Variants in ZNF568 observed in about 807,000 individuals in gnomAD.
The protein encoded by ZNF568 is p53 inhibitor of SCO2 activation.
A neutral mutation model predicts 18.1 loss-of-function variants in ZNF568; 11 were observed. That is an observed-to-expected ratio of 0.61 (90% confidence interval 0.38 to 1.00). The LOEUF is 1.00. Among genes scored for constraint, ZNF568 ranks in the 50% least tolerant of loss-of-function variants. The pLI, the probability that ZNF568 is intolerant of heterozygous loss-of-function variation, is 0.01. For synonymous variants in ZNF568, 213 were observed against 246.6 expected (o/e 0.86, Z 1.28); for missense variants, 639 against 768.2 (o/e 0.83, Z 1.99).
At chr19:36,964,853 G>A (rs555718796) in intron 6 of ZNF568, among the ~76,000 whole-genome samples, 1 of 152,136 alleles carries the variant, frequency 6.6e-6, no homozygotes, top group Non-Finnish European at 1.5e-5. Context: ...GTCGATACAA[G>A]AGGTGGTGGA....
chr19:36,991,853 G>A (rs1397681961), intron 4 of ZNF568: 1 of 1,561,676 alleles, frequency 6.4e-7, no homozygotes, highest in Non-Finnish European at 8.6e-7. Context: ...CCAGGTGAGT[G>A]ACGATGAACT....
At chr19:36,936,569 A>C (rs1439986563) in intron 4 of ZNF568, 177 bp from the exon 5 acceptor site, 3 of 496,138 alleles carry the variant, frequency 6.0e-6, no homozygotes, top group African/African-American at 5.8e-5. Flanking sequence ...GTTTTTTGTC[A>C]GATTTGGGAA....
At chr19:36,970,597 A>G (rs1365954638) in intron 6 of ZNF568, among the ~76,000 whole-genome samples, 1 of 152,020 alleles carries the variant, frequency 6.6e-6, no homozygotes, top group Admixed American at 6.6e-5. Flanking sequence ...TCAGCCTCCC[A>G]AACTGCTGAG....
chr19:36,989,969 T>G (rs955392616), intron 2 of ZNF568, among the ~76,000 whole-genome samples: 9 of 152,026 alleles, frequency 5.9e-5, no homozygotes, highest in Non-Finnish European at 8.8e-5. Flanking sequence ...AAATGAATGG[T>G]TAAGTGGAAT....
At chr19:36,980,767 T>C (rs1243975971), downstream of ZNF568, among the ~76,000 whole-genome samples, 1 of 152,182 alleles carries the variant, frequency 6.6e-6, no homozygotes, top group African/African-American at 2.4e-5. Flanking sequence ...TACTGAAGCT[T>C]CATTACATAG....
At chr19:36,982,848 T>G (rs910569221), downstream of ZNF568, among the ~76,000 whole-genome samples, 4 of 152,196 alleles carry the variant, frequency 2.6e-5, no homozygotes, top group African/African-American at 9.7e-5. Flanking sequence ...TGTGATGAAT[T>G]TTTACATATT....
chr19:36,961,462 A>T (rs10408533), intron 6 of ZNF568, among the ~76,000 whole-genome samples: 31,827 of 150,150 alleles, frequency 0.21, 3,470 homozygotes, highest in African/African-American at 0.28. Context: ...GGATCTTTTT[A>T]AAAAAAAAAT....
intron 2 of ZNF568, among the ~76,000 whole-genome samples, chr19:36,918,397 C>A (rs2073390848): frequency 6.6e-6 from 1 of 152,148 alleles, no homozygotes; most frequent in South Asian, 2.1e-4. Context: ...TACATTAAAT[C>A]ATCTCTAGAT....
intron 4 of ZNF568, among the ~76,000 whole-genome samples, chr19:36,932,242 G>A (rs990251882): frequency 2.6e-5 from 4 of 152,126 alleles, no homozygotes; most frequent in Non-Finnish European, 5.9e-5. Flanking sequence ...TTTGTACATA[G>A]AAATGAAATT....
In ZNF568 at chr19:36,970,157, TC is replaced by T. The variant is rs2074225864; in HGVS notation, c.359-4262del. Among the ~76,000 whole-genome samples, 3 of 125,128 alleles carry T rather than the reference TC, an allele frequency of 2.4e-5. No homozygotes were observed. In the South Asian group the frequency reaches 7.5e-4, roughly 31 times the overall value. The allele number at this position is 125,128 out of a possible 152,430, so 82.1% of individuals were successfully genotyped here. A position where few individuals can be genotyped will look rare whatever the true frequency, so the allele number is the denominator to read the frequency against. ...GGTTCTGGGGGTTAGGATTTGAACG[TC>T]TTGGGGCATTATTCTACCACTTTGT... On this transcript the variant is annotated intron_variant, in intron 6 of 7. Coordinates refer to the ZNF568 transcript ENST00000427117.
intron 3 of ZNF568, chr19:36,991,656 C>A: frequency 3.1e-6 from 3 of 967,036 alleles, no homozygotes; most frequent in Non-Finnish European, 4.5e-6. Context: ...CTTCTTCTGA[C>A]CCTTAATCTA....
chr19:36,976,597 C>G (rs2074286938), intron 7 of ZNF568, among the ~76,000 whole-genome samples: 1 of 152,136 alleles, frequency 6.6e-6, no homozygotes, highest in South Asian at 2.1e-4. Flanking sequence ...AGTCACTCGC[C>G]TCAAAGTTAC....
rs1198808828 is a variant in ZNF568 at position 36,951,135 on chromosome 19, C to T, written c.*47C>T. ...TCAACCCATGTTTTACTTAAAATAT[C>T]TTGGCATAAGCTCAAAAAAGCCAGG... On this transcript the variant is annotated 3_prime_UTR_variant, in exon 7 of 7. Coordinates refer to ENST00000333987, the MANE Select transcript of ZNF568 (RefSeq NM_198539.4). 1 of 1,466,582 alleles carries T rather than the reference C, an allele frequency of 6.8e-7. No individual in the cohort carries two copies. The highest frequency in any genetic ancestry group is 2.5e-5 in the Admixed American group (1 of 39,304). The allele number at this position is 1,466,582 out of a possible 1,614,324, so 90.8% of individuals were successfully genotyped here. A position where few individuals can be genotyped will look rare whatever the true frequency, so the allele number is the denominator to read the frequency against.
intron 6 of ZNF568, among the ~76,000 whole-genome samples, chr19:36,959,211 GTT>G: frequency 6.6e-6 from 1 of 152,220 alleles, no homozygotes; most frequent in South Asian, 2.1e-4. Context: ...GCTTGTTGAA[GTT>G]TTTATTGTGA....
At chr19:36,985,670 G>A (rs377727874) in intron 2 of ZNF568, among the ~76,000 whole-genome samples, 21 of 151,946 alleles carry the variant, frequency 1.4e-4, no homozygotes, top group East Asian at 1.2e-3. Flanking sequence ...CTACAGGTGC[G>A]CACCACCATG....
At chr19:36,994,449 A>G (rs1261271169) in intron 4 of ZNF568, among the ~76,000 whole-genome samples, 2 of 152,146 alleles carry the variant, frequency 1.3e-5, no homozygotes, top group Non-Finnish European at 2.9e-5. Flanking sequence ...TTTTCAAGCA[A>G]TCTGTTTCCT....
rs773880698 is a variant in ZNF568, at chr19:36,949,732, A to G, written c.579A>G (p.Arg193=). Reference sequence around the variant, plus strand: ...TGGAACATAATTTAGACTTACTTAGATATGAGAAAGGCTGTGTAAGAGAGA... The same window carrying G: ...TGGAACATAATTTAGACTTACTTAGGTATGAGAAAGGCTGTGTAAGAGAGA... ...KGLEHNLDLL[R]YEKGCVREKQ... The change falls in exon 7 of 7, where the codon AGA becomes AGG. Residue 193 remains arginine (R), a synonymous_variant. Coordinates refer to ENST00000333987, the MANE Select transcript of ZNF568 (RefSeq NM_198539.4). The G allele has an allele frequency of 3.7e-6, 6 of 1,613,870 alleles. No homozygotes were observed. Among genetic ancestry groups the G allele is most frequent in the Non-Finnish European group, 5.1e-6 (6 of 1,179,910 alleles).
At chr19:36,956,186 A>C (rs1023150322), downstream of ZNF568, among the ~76,000 whole-genome samples, 12 of 152,220 alleles carry the variant, frequency 7.9e-5, no homozygotes, top group African/African-American at 2.7e-4. Context: ...CAGACTTTTC[A>C]AGATTCCACC....
chr19:36,955,798 A>G (rs566262714), downstream of ZNF568, among the ~76,000 whole-genome samples: 1 of 152,192 alleles, frequency 6.6e-6, no homozygotes, highest in African/African-American at 2.4e-5. Context: ...AGGTGATTCA[A>G]CATAATGAGT....
Sources: gnomAD v4.1 joint callset for allele counts (sites outside exome capture counted in the v4.1 genomes callset) on GRCh38, gnomAD v4.1.1 for gene constraint, MANE v1.5 for transcripts, NCBI Gene and HGNC (gene_info 2026-07-23, HGNC 2026-07-21) for gene names.